Variants in LRRC8B observed in about 807,000 individuals in gnomAD.
LRRC8B encodes the protein volume-regulated anion channel subunit LRRC8B.
Under a neutral mutation model 58.8 loss-of-function variants are expected in LRRC8B, and 23 were observed. The observed-to-expected ratio is 0.39, with a 90% CI of 0.28 to 0.55. LRRC8B has a LOEUF of 0.55. Ranked by LOEUF, LRRC8B falls within the 20% of genes least tolerant of loss-of-function variation. The pLI is 0.62. For missense variants in LRRC8B, 694 were observed against 936.0 expected, an observed-to-expected ratio of 0.74 and a Z score of 3.37; for synonymous variants, 359 against 374.1, an observed-to-expected ratio of 0.96 and a Z score of 0.47.
intron 1 of LRRC8B, among the ~76,000 whole-genome samples, chr1:89,563,239 T>C (rs1385870152): frequency 1.3e-5 from 2 of 152,200 alleles, no homozygotes; most frequent in Non-Finnish European, 2.9e-5. Context: ...TTAAGTATTT[T>C]AACTATTTTT....
intron 4 of LRRC8B, among the ~76,000 whole-genome samples, chr1:89,581,969 C>CATTTTTGTGAAATTTTA (rs1426571697): frequency 1.3e-5 from 2 of 152,136 alleles, no homozygotes; most frequent in Non-Finnish European, 2.9e-5. Flanking sequence ...TTTCACAAAG[C>CATTTTTGTGAAATTTTA]AGAGCTTGCT....
rs765367076 is a variant in LRRC8B at position 89,584,277 on chromosome 1, C to T, written c.1627C>T (p.Leu543=). 6.2e-7 allele frequency: 1 copy of T among 1,613,760 alleles called. No homozygotes were observed. Among genetic ancestry groups the T allele is most frequent in the Non-Finnish European group, 8.5e-7 (1 of 1,180,034 alleles). ...GFQDLKNLRT[L]YLKSSLSRIP... ...TCAGGACTTAAAAAATCTAAGGACC[C>T]TGTACTTGAAGAGCAGCCTCTCCCG... The change falls in exon 5 of 6, where the codon CTG becomes TTG. Residue 543 remains leucine, a synonymous_variant. Transcript: ENST00000330947.
rs990389384 is a variant in LRRC8B at position 89,595,309 on chromosome 1, A to C, written c.*2266A>C. On this transcript the variant is annotated 3_prime_UTR_variant, in exon 6 of 6. Transcript: ENST00000330947. ...TAAAGTGTGAGTTGATGTTTATTTTAGTGTTTCACAATAGAATTATCATGT... is the reference window on the plus strand; with the variant it reads ...TAAAGTGTGAGTTGATGTTTATTTTCGTGTTTCACAATAGAATTATCATGT... 6.6e-6 allele frequency: 1 copy of C among 152,118 alleles called. No homozygotes were observed. Among genetic ancestry groups the C allele is most frequent in the Non-Finnish European group, 1.5e-5 (1 of 67,968 alleles). The allele number at this position is 152,118 out of a possible 1,614,324, so 9.4% of individuals were successfully genotyped here. A position where few individuals can be genotyped will look rare whatever the true frequency, so the allele number is the denominator to read the frequency against.
At chr1:89,566,366 T>C (rs1159784261) in intron 1 of LRRC8B, among the ~76,000 whole-genome samples, 1 of 152,212 alleles carries the variant, frequency 6.6e-6, no homozygotes, top group Non-Finnish European at 1.5e-5. Flanking sequence ...TTTTTTTAAA[T>C]CCATCTGTTA....
intron 3 of LRRC8B, among the ~76,000 whole-genome samples, chr1:89,573,096 C>T (rs1439680834): frequency 4.6e-5 from 7 of 151,952 alleles, no homozygotes. Context: ...GTCAGGAGAT[C>T]GAGACCATCC....
intron 3 of LRRC8B, among the ~76,000 whole-genome samples, chr1:89,575,964 G>A (rs930475835): frequency 1.3e-5 from 2 of 151,964 alleles, no homozygotes; most frequent in Admixed American, 1.3e-4. Context: ...TCCCATTCCC[G>A]TGCCTGACAA....
intron 1 of LRRC8B, among the ~76,000 whole-genome samples, chr1:89,550,999 A>G (rs1441061747): frequency 1.3e-5 from 2 of 152,086 alleles, no homozygotes; most frequent in African/African-American, 4.8e-5. Context: ...CCATACTCTC[A>G]TATTCTGGAA....
intron 1 of LRRC8B, among the ~76,000 whole-genome samples, chr1:89,538,717 T>TTTTG (rs56350075): frequency 0.17 from 25,971 of 151,758 alleles, 2,799 homozygotes; most frequent in Admixed American, 0.29. Flanking sequence ...CGAGGTTTTT[T>TTTTG]TTTGTTTGTT....
rs1653942291 is a variant in LRRC8B at position 89,577,569 on chromosome 1, A to G, written c.-124-2022A>G. Among the ~76,000 whole-genome samples the G allele has an allele frequency of 1.3e-5, 2 of 152,232 alleles. 1 individual carries two copies. The highest frequency in any genetic ancestry group is 4.1e-4 in the South Asian group (2 of 4,836). The stretch of plus-strand genomic sequence containing the variant: ...GGAAACAATTTCCTGGACAGACAGT[A>G]TTAAATGGCATAATGACAAAAGATA... On this transcript the variant is annotated intron_variant, in intron 3 of 5. Coordinates refer to ENST00000330947, the MANE Select transcript of LRRC8B (RefSeq NM_001369817.2).
chr1:89,592,783 C>T lies in LRRC8B; in HGVS notation c.2152C>T (p.Pro718Ser). The T allele has an allele frequency of 6.2e-7, 1 of 1,613,354 alleles. No individual in the cohort carries two copies. The highest frequency in any genetic ancestry group is 8.5e-7 in the Non-Finnish European group (1 of 1,179,876). The change falls in exon 6 of 6, where the codon CCA becomes TCA. Residue 718 changes from proline to serine, a missense_variant. Transcript: ENST00000330947. ...CTTCCCTTTCCAGATTGAGATGCTA[C>T]CAGATGGGCTGTTTCAGTGCAAAAA... is the stretch of plus-strand genomic sequence containing the variant. ...AVTNNNIEML[P>S]DGLFQCKKLQ... is the part of the protein sequence containing the mutation.
chr1:89,526,570 C>G (rs1649715187), intron 1 of LRRC8B, among the ~76,000 whole-genome samples: 1 of 152,146 alleles, frequency 6.6e-6, no homozygotes, highest in African/African-American at 2.4e-5. Context: ...GTCAGCAGCT[C>G]TACTCAGAGA....
At chr1:89,565,334 G>A (rs1162088076) in intron 1 of LRRC8B, among the ~76,000 whole-genome samples, 1 of 152,196 alleles carries the variant, frequency 6.6e-6, no homozygotes, top group East Asian at 1.9e-4. Flanking sequence ...ATTTTGGAAT[G>A]CTGTGGCATT....
intron 1 of LRRC8B, among the ~76,000 whole-genome samples, chr1:89,550,330 A>G (rs1053696271): frequency 3.3e-5 from 5 of 152,156 alleles, no homozygotes; most frequent in Non-Finnish European, 7.4e-5. Context: ...CGAGTTGTTC[A>G]TGCTGCTACC....
In LRRC8B at chr1:89,524,894, G is replaced by A. The variant is rs1050221432; in HGVS notation, c.-369G>A. 1.3e-5 allele frequency: 2 copies of A among 152,260 alleles called. No individual in the cohort carries two copies. The highest frequency in any genetic ancestry group is 6.5e-5 in the Admixed American group (1 of 15,284). 9.4% of individuals were successfully genotyped at this position (152,260 alleles called of 1,614,324 possible). ...GGAGGCGGCGAGCCGGACAGCGCCG[G>A]GGCTTCCCGCTGAGCCCGCAGCCTC... On this transcript the variant is annotated 5_prime_UTR_variant, in exon 1 of 6. Transcript: ENST00000330947.
At chr1:89,530,918 T>C (rs957816577) in intron 1 of LRRC8B, among the ~76,000 whole-genome samples, 6 of 152,144 alleles carry the variant, frequency 3.9e-5, no homozygotes, top group Non-Finnish European at 7.4e-5. Context: ...ACAATGCCTC[T>C]CTAATCCCTG....
chr1:89,581,156 G>C (rs1344902399), intron 4 of LRRC8B, among the ~76,000 whole-genome samples: 2 of 151,812 alleles, frequency 1.3e-5, no homozygotes, highest in African/African-American at 4.8e-5. Context: ...AAAATTAGCT[G>C]GGCGTGATGC....
At chr1:89,589,425 A>G (rs1338726873) in intron 5 of LRRC8B, among the ~76,000 whole-genome samples, 1 of 152,316 alleles carries the variant, frequency 6.6e-6, no homozygotes, top group Admixed American at 6.5e-5. Context: ...CACAGTGCCA[A>G]AGAGTAATTG....
chr1:89,541,386 G>C (rs1431799253), intron 1 of LRRC8B, among the ~76,000 whole-genome samples: 2 of 152,186 alleles, frequency 1.3e-5, no homozygotes, highest in African/African-American at 2.4e-5. Context: ...AAGTAGACCA[G>C]GTAGAGTTAT....
intron 1 of LRRC8B, among the ~76,000 whole-genome samples, chr1:89,540,676 A>G (rs1650896288): frequency 6.6e-6 from 1 of 152,178 alleles, no homozygotes; most frequent in South Asian, 2.1e-4. Flanking sequence ...GGAAGAGCCC[A>G]GGAGCCCCAA....
Sources: allele counts gnomAD v4.1 joint callset (sites outside exome capture counted in the v4.1 genomes callset), GRCh38; gene constraint gnomAD v4.1.1; transcripts MANE v1.5; gene names NCBI Gene and HGNC (gene_info 2026-07-23, HGNC 2026-07-21).